Variants in ADAMTS3 observed in about 807,000 individuals in gnomAD.
ADAMTS3 encodes ADAM metallopeptidase with thrombospondin type 1 motif 3.
ADAMTS3 carries 73 observed loss-of-function variants against 129.0 expected under a neutral mutation model. That is an observed-to-expected ratio of 0.57 (90% CI 0.47 to 0.69). ADAMTS3 has a LOEUF of 0.69. ADAMTS3 is among the 30% of genes least tolerant of loss of function. ADAMTS3 has a pLI of 0.00. For synonymous variants in ADAMTS3, 477 were observed against 510.8 expected (o/e 0.93, Z 0.89); for missense variants, 1,457 against 1,514.5 (o/e 0.96, Z 0.63).
intron 3 of ADAMTS3, among the ~76,000 whole-genome samples, chr4:72,484,129 A>G (rs1024908467): frequency 6.6e-6 from 1 of 152,182 alleles, no homozygotes; most frequent in Non-Finnish European, 1.5e-5. Context: ...ATTTACCCCA[A>G]TCTTACTGTC....
At chr4:72,400,914 CAT>C (rs562672883) in intron 4 of ADAMTS3, among the ~76,000 whole-genome samples, 9 of 146,290 alleles carry the variant, frequency 6.2e-5, no homozygotes, top group Middle Eastern at 3.6e-3. Context: ...ATATATTGGA[CAT>C]ATATATATAT....
intron 3 of ADAMTS3, among the ~76,000 whole-genome samples, chr4:72,518,853 G>T (rs1335277927): frequency 6.6e-6 from 1 of 151,526 alleles, no homozygotes; most frequent in East Asian, 1.9e-4. Flanking sequence ...AGTTAATATT[G>T]TTATGTGTGA....
chr4:72,534,293 C>T (rs1465627322), intron 3 of ADAMTS3, among the ~76,000 whole-genome samples: 1 of 151,660 alleles, frequency 6.6e-6, no homozygotes, highest in Non-Finnish European at 1.5e-5. Context: ...CGCCACTGCA[C>T]TCCAGCATGG....
At chr4:72,532,628 T>C (rs1721073829) in intron 3 of ADAMTS3, among the ~76,000 whole-genome samples, 1 of 152,156 alleles carries the variant, frequency 6.6e-6, no homozygotes, top group African/African-American at 2.4e-5. Flanking sequence ...ATTTCATCAC[T>C]ACGTGAACAT....
chr4:72,558,214 T>G (rs917214922), intron 2 of ADAMTS3, among the ~76,000 whole-genome samples: 10 of 151,936 alleles, frequency 6.6e-5, no homozygotes, highest in Non-Finnish European at 1.0e-4. Flanking sequence ...CTCATACTTT[T>G]GTCAAAAAGT....
intron 3 of ADAMTS3, among the ~76,000 whole-genome samples, chr4:72,441,371 G>A (rs1718112427): frequency 6.6e-6 from 1 of 151,556 alleles, no homozygotes; most frequent in Admixed American, 6.6e-5. Flanking sequence ...TTAAAAAATT[G>A]GATTGTCTTT....
Position 72,290,847 on chromosome 4 carries a change from AC to A in ADAMTS3, c.2931+7del, listed in dbSNP as rs1157359145. On this transcript the variant is annotated splice_region_variant and intron_variant, in intron 20 of 21. Coordinates refer to ENST00000286657, the MANE Select transcript of ADAMTS3 (RefSeq NM_014243.3). ...TTACTTATGCATGCACGGAATTCAC[AC>A]ACCTACCTCACTCCAGGGTCCTGTT... 3.7e-6 allele frequency: 6 copies of A among 1,613,494 alleles called. No homozygotes were observed. The highest frequency in any genetic ancestry group is 5.1e-6 in the Non-Finnish European group (6 of 1,179,674).
chr4:72,419,047 G>A (rs754788092), intron 3 of ADAMTS3, among the ~76,000 whole-genome samples: 3 of 152,060 alleles, frequency 2.0e-5, no homozygotes, highest in Non-Finnish European at 4.4e-5. Flanking sequence ...TATTCTCCAG[G>A]CTTCAACTTA....
intron 3 of ADAMTS3, among the ~76,000 whole-genome samples, chr4:72,542,215 A>G (rs771028637): frequency 2.6e-5 from 4 of 152,146 alleles, no homozygotes; most frequent in Non-Finnish European, 5.9e-5. Flanking sequence ...CCTAGGCTGG[A>G]GAGCAGTGGT....
At chr4:72,341,858 G>T (rs960647930) in intron 4 of ADAMTS3, among the ~76,000 whole-genome samples, 6 of 152,094 alleles carry the variant, frequency 3.9e-5, no homozygotes, top group Non-Finnish European at 5.9e-5. Context: ...AGAATAATTT[G>T]TCCCTACTTT....
chr4:72,390,476 T>G (rs1721562679), intron 4 of ADAMTS3, among the ~76,000 whole-genome samples: 1 of 152,212 alleles, frequency 6.6e-6, no homozygotes. Context: ...AGATGGAGCC[T>G]GAATTCACTC....
At chr4:72,558,426 C>G (rs1017040684) in intron 2 of ADAMTS3, among the ~76,000 whole-genome samples, 1 of 151,678 alleles carries the variant, frequency 6.6e-6, no homozygotes, top group Non-Finnish European at 1.5e-5. Context: ...CTGCTACCAC[C>G]TCTCTGGTTC....
At chr4:72,411,288 C>T (rs992595450) in intron 4 of ADAMTS3, among the ~76,000 whole-genome samples, 2 of 151,932 alleles carry the variant, frequency 1.3e-5, no homozygotes, top group African/African-American at 4.8e-5. Flanking sequence ...GCTGAATATT[C>T]TTAGGTGACA....
At chr4:72,481,369 A>T (rs1015624790) in intron 3 of ADAMTS3, among the ~76,000 whole-genome samples, 6 of 152,206 alleles carry the variant, frequency 3.9e-5, no homozygotes, top group African/African-American at 1.4e-4. Flanking sequence ...AATGGAACAA[A>T]GTAAAGAATC....
At chr4:72,410,366 C>A (rs555872535) in intron 4 of ADAMTS3, among the ~76,000 whole-genome samples, 1 of 152,212 alleles carries the variant, frequency 6.6e-6, no homozygotes, top group Non-Finnish European at 1.5e-5. Flanking sequence ...ACCACACCAG[C>A]AACACAAGCA....
intron 3 of ADAMTS3, among the ~76,000 whole-genome samples, chr4:72,479,966 A>G (rs1719379835): frequency 6.6e-6 from 1 of 152,272 alleles, no homozygotes; most frequent in African/African-American, 2.4e-5. Flanking sequence ...ACTGGCCATC[A>G]GAGAAATGCA....
intron 15 of ADAMTS3, among the ~76,000 whole-genome samples, chr4:72,308,857 G>A (rs976457545): frequency 4.0e-5 from 6 of 151,892 alleles, no homozygotes; most frequent in African/African-American, 1.4e-4. Context: ...TCTCAGGTTA[G>A]TTTTTGGTTG....
chr4:72,436,135 A>T (rs986172044), intron 3 of ADAMTS3, among the ~76,000 whole-genome samples: 1 of 140,932 alleles, frequency 7.1e-6, no homozygotes, highest in Non-Finnish European at 1.5e-5. Flanking sequence ...AGAATCTACA[A>T]AGAACTTAAA....
At chr4:72,380,079 G>C (rs1721244523) in intron 4 of ADAMTS3, among the ~76,000 whole-genome samples, 1 of 152,070 alleles carries the variant, frequency 6.6e-6, no homozygotes, top group South Asian at 2.1e-4. Context: ...ATGTCTCAAA[G>C]GGTATTATGT....
Sources: allele counts gnomAD v4.1 joint callset (sites outside exome capture counted in the v4.1 genomes callset), GRCh38; gene constraint gnomAD v4.1.1; transcripts MANE v1.5; gene names NCBI Gene and HGNC (gene_info 2026-07-23, HGNC 2026-07-21).